TSR2: variants seen among roughly 807,000 people sequenced by gnomAD.
TSR2 encodes the protein pre-rRNA-processing protein TSR2 homolog.
TSR2 carries 1 observed loss-of-function variant against 13.3 expected under a neutral mutation model. That is an observed-to-expected ratio of 0.08 (90% confidence interval 0.03 to 0.36). The LOEUF is 0.36. TSR2 is among the 10% of genes least tolerant of loss of function. The pLI is 0.99. For missense variants in TSR2, 120 were observed against 151.1 expected, an observed-to-expected ratio of 0.79 and a Z score of 1.08; for synonymous variants, 60 against 57.7, an observed-to-expected ratio of 1.04 and a Z score of -0.18.
rs1020609391 is a variant in TSR2, at chrX:54,444,436, G to A, written c.462G>A (p.Gly154=). 2.5e-5 allele frequency: 30 copies of A among 1,207,870 alleles called. No individual in the cohort carries two copies. The highest frequency in any genetic ancestry group is 3.1e-5 in the Non-Finnish European group (28 of 894,303). ...TCCAGGTCACAGCTACGAATGATGG[G>A]GCTGCTACAGATGGGGTCTGCCCCC... ...EEMEVTATND[G]AATDGVCPQP... The change falls in exon 5 of 5, where the codon GGG becomes GGA. Residue 154 remains glycine, a synonymous_variant. Coordinates refer to ENST00000375151, the MANE Select transcript of TSR2 (RefSeq NM_058163.3).
At position 54,447,443 on chromosome X, in the gene TSR2, T is replaced by C. The variant is rs1922248522; in HGVS notation, c.*2893T>C. On this transcript the variant is annotated 3_prime_UTR_variant, in exon 5 of 5. Transcript: ENST00000375151. ...AGATGACGCTGTTCTCTGCAGCCAC[T>C]GAGGCCTGTTTCTGTGGCCAGAGAC... 5.0e-6 allele frequency: 6 copies of C among 1,210,281 alleles called. No individual in the cohort carries two copies. Among genetic ancestry groups the C allele is most frequent in the Non-Finnish European group, 6.7e-6 (6 of 894,517 alleles).
chrX:54,443,482 T>C lies in TSR2; in HGVS notation c.255T>C (p.Ser85=). The stretch of plus-strand genomic sequence containing the variant: ...TTGATACAGTTGTGGAAGACGGGAG[T>C]CTGCCCCAGGTGAGCTTATCACGGG... ...NEFDTVVEDG[S]LPQVSQQLQT... Residue 85 remains serine (S), a synonymous_variant, in exon 3 of 5, where the codon AGT becomes AGC. Coordinates refer to ENST00000375151, the MANE Select transcript of TSR2 (RefSeq NM_058163.3). 9 of 1,196,849 alleles carry C rather than the reference T, an allele frequency of 7.5e-6. No homozygotes were observed. Among genetic ancestry groups the C allele is most frequent in the Non-Finnish European group, 1.0e-5 (9 of 887,175 alleles).
Position 54,446,144 on chromosome X carries a change from G to A in TSR2, c.*1594G>A, listed in dbSNP as rs1474070705. Reference sequence around the variant, plus strand: ...TCTCGGGTCTGGGGGGATTCGGGGGGTTCAGCAGTGGCTCCTAAAGCAGCC... The same window carrying A: ...TCTCGGGTCTGGGGGGATTCGGGGGATTCAGCAGTGGCTCCTAAAGCAGCC... On this transcript the variant is annotated 3_prime_UTR_variant, in exon 5 of 5. Transcript: ENST00000375151. 5.0e-6 allele frequency: 6 copies of A among 1,208,760 alleles called. No homozygotes were observed. Among genetic ancestry groups the A allele is most frequent in the Middle Eastern group, 2.3e-4 (1 of 4,290 alleles).
chrX:54,440,659 T>C (rs1402887999), intron 1 of TSR2, 31 bp from the exon 2 acceptor site: 1 of 1,196,287 alleles, frequency 8.4e-7, no homozygotes, highest in South Asian at 1.8e-5. Flanking sequence ...GCTCCCAAGC[T>C]GACTTGGTGG....
rs1318072476 is a variant in TSR2 at position 54,444,426 on chromosome X, C to T, written c.452C>T (p.Thr151Met). 5.0e-6 allele frequency: 6 copies of T among 1,207,893 alleles called. No individual in the cohort carries two copies. The South Asian group carries it at 5.3e-5, about 11-fold the overall frequency. ...DSVEEMEVTA[T>M]NDGAATDGVC... ...AAATCTCCCCTCCAGGTCACAGCTA[C>T]GAATGATGGGGCTGCTACAGATGGG... is the stretch of plus-strand genomic sequence containing the variant. Residue 151 changes from threonine (T) to methionine (M), a missense_variant, in exon 5 of 5, where the codon ACG becomes ATG. By Grantham distance (81) the Thr-to-Met change is moderately conservative. Around this residue, in one of 3 missense-constraint regions of TSR2, gnomAD observed 55 missense variants for 61.3 expected, o/e 0.90. Transcript: ENST00000375151.
Position 54,444,435 on chromosome X carries a change from G to C in TSR2, c.461G>C (p.Gly154Ala). The C allele has an allele frequency of 1.7e-6, 2 of 1,209,611 alleles. No homozygotes were observed. The highest frequency in any genetic ancestry group is 2.2e-6 in the Non-Finnish European group (2 of 894,483). Residue 154 changes from glycine (G) to alanine (A), a missense_variant, in exon 5 of 5, where the codon GGG (glycine) becomes GCG (alanine). By Grantham distance (60) the Gly-to-Ala change is moderately conservative. Around this residue, in one of 3 missense-constraint regions of TSR2, gnomAD observed 55 missense variants for 61.3 expected, o/e 0.90. Transcript: ENST00000375151. Reference sequence around the variant, plus strand: ...CTCCAGGTCACAGCTACGAATGATGGGGCTGCTACAGATGGGGTCTGCCCC... The same window carrying C: ...CTCCAGGTCACAGCTACGAATGATGCGGCTGCTACAGATGGGGTCTGCCCC... ...EEMEVTATND[G>A]AATDGVCPQP...
chrX:54,440,909 C>T (rs928900668), intron 2 of TSR2, 129 bp downstream of exon 2: 7 of 484,286 alleles, frequency 1.4e-5, no homozygotes, highest in Non-Finnish European at 2.4e-5. Flanking sequence ...GGAATGAATT[C>T]AGCTTTTAGA....
At position 54,446,520 on chromosome X, in the gene TSR2, G is replaced by T. The variant is rs1207375232; in HGVS notation, c.*1970G>T. On this transcript the variant is annotated 3_prime_UTR_variant, in exon 5 of 5. Transcript: ENST00000375151. Reference sequence around the variant, plus strand: ...TGCTCTGTCTTCAGTCCCCTACTCAGGAACTCCCCTACTCAGGAACCTTCC... The same window carrying T: ...TGCTCTGTCTTCAGTCCCCTACTCATGAACTCCCCTACTCAGGAACCTTCC... The T allele has an allele frequency of 1.4e-6, 1 of 738,099 alleles. No homozygotes were observed. The highest frequency in any genetic ancestry group is 2.0e-6 in the Non-Finnish European group (1 of 503,267). 60.8% of individuals were successfully genotyped at this position (738,099 alleles called of 1,213,427 possible). A position where few individuals can be genotyped will look rare whatever the true frequency, so the allele number is the denominator to read the frequency against.
At chrX:54,442,584 CAT>C (rs1167691565) in intron 2 of TSR2, among the ~76,000 whole-genome samples, 1 of 110,592 alleles carries the variant, frequency 9.0e-6, no homozygotes. Flanking sequence ...AGAGAAAGCA[CAT>C]AGAGGGGAGA....
intron 2 of TSR2, 40 bp from the exon 3 acceptor site, chrX:54,443,360 G>A (rs764073734): frequency 1.9e-6 from 2 of 1,040,428 alleles, no homozygotes; most frequent in South Asian, 1.9e-5. Flanking sequence ...GATGAAGTTG[G>A]CTGGTCTTTG....
At chrX:54,443,944 A>G (rs1418305406) in intron 3 of TSR2, 64 bp from the exon 4 acceptor site, 2 of 1,175,362 alleles carry the variant, frequency 1.7e-6, no homozygotes, top group African/African-American at 1.8e-5. Flanking sequence ...TGTTGCTTCA[A>G]ACACGTGCTG....
chrX:54,447,128 C>T lies in TSR2; in HGVS notation c.*2578C>T, dbSNP rs1212057396. 1.8e-5 allele frequency among the ~76,000 whole-genome samples: 2 copies of T among 111,826 alleles called. No homozygotes were observed. ...ACTCATCCTGGTTTTCCCTACATAC[C>T]ACAACCACTCCTTGTCTCTAGCCAG... On this transcript the variant is annotated 3_prime_UTR_variant, in exon 5 of 5. Coordinates refer to ENST00000375151, the MANE Select transcript of TSR2 (RefSeq NM_058163.3).
intron 2 of TSR2, among the ~76,000 whole-genome samples, chrX:54,442,642 C>T (rs780760649): frequency 9.0e-6 from 1 of 111,292 alleles, no homozygotes; most frequent in South Asian, 3.9e-4. Flanking sequence ...CTGTCTAATT[C>T]AGAAAAAGTA....
chrX:54,447,229 T>C lies in TSR2; in HGVS notation c.*2679T>C. 9.4e-7 allele frequency: 1 copy of C among 1,069,041 alleles called. No individual in the cohort carries two copies. Among genetic ancestry groups the C allele is most frequent in the Non-Finnish European group, 1.3e-6 (1 of 768,226 alleles). The allele number at this position is 1,069,041 out of a possible 1,213,427, so 88.1% of individuals were successfully genotyped here. A position where few individuals can be genotyped will look rare whatever the true frequency, so the allele number is the denominator to read the frequency against. On this transcript the variant is annotated 3_prime_UTR_variant, in exon 5 of 5. Coordinates refer to ENST00000375151, the MANE Select transcript of TSR2 (RefSeq NM_058163.3). ...ACCTTATCTTCCAAGGCTCACCTTA[T>C]CTTCCAAGGCCAAGGAGAGGTCAAG...
chrX:54,444,573 T>G lies in TSR2; in HGVS notation c.*23T>G. 8.3e-7 allele frequency: 1 copy of G among 1,204,074 alleles called. No individual in the cohort carries two copies. Among genetic ancestry groups the G allele is most frequent in the East Asian group, 3.0e-5 (1 of 33,602 alleles). ...TGAGTGGGGATGATTGGAAATGGCT[T>G]TGGGCCCTTATTTGCTGTTCTAAGA... On this transcript the variant is annotated 3_prime_UTR_variant, in exon 5 of 5. Coordinates refer to ENST00000375151, the MANE Select transcript of TSR2 (RefSeq NM_058163.3).
At position 54,444,443 on chromosome X, in the gene TSR2, A is replaced by G; in HGVS notation, c.469A>G (p.Thr157Ala). The change falls in exon 5 of 5, where the codon ACA (threonine) becomes GCA (alanine). Residue 157 changes from threonine to alanine, a missense_variant. Coordinates refer to ENST00000375151, the MANE Select transcript of TSR2 (RefSeq NM_058163.3). ...CACAGCTACGAATGATGGGGCTGCT[A>G]CAGATGGGGTCTGCCCCCAGCCTGA... is the stretch of plus-strand genomic sequence containing the variant. ...EVTATNDGAA[T>A]DGVCPQPEPS... is the part of the protein sequence containing the mutation. 1 of 1,210,258 alleles carries G rather than the reference A, an allele frequency of 8.3e-7. No homozygotes were observed. The highest frequency in any genetic ancestry group is 1.1e-6 in the Non-Finnish European group (1 of 894,666).
At position 54,444,589 on chromosome X, in the gene TSR2, T is replaced by C; in HGVS notation, c.*39T>C. ...GAAATGGCTTTGGGCCCTTATTTGC[T>C]GTTCTAAGAGTTGTCTGTAGGGGTT... On this transcript the variant is annotated 3_prime_UTR_variant, in exon 5 of 5. Transcript: ENST00000375151. 1.7e-6 allele frequency: 2 copies of C among 1,196,051 alleles called. No individual in the cohort carries two copies. Among genetic ancestry groups the C allele is most frequent in the Non-Finnish European group, 2.3e-6 (2 of 886,786 alleles).
Position 54,444,463 on chromosome X carries a change from G to A in TSR2, c.489G>A (p.Gln163=), listed in dbSNP as rs1345756140. The change falls in exon 5 of 5, where the codon CAG becomes CAA. Residue 163 remains glutamine, a synonymous_variant. Transcript: ENST00000375151. The part of the protein sequence containing the change: ...DGAATDGVCP[Q]PEPSDPDAQT... The stretch of plus-strand genomic sequence containing the variant: ...CTGCTACAGATGGGGTCTGCCCCCA[G>A]CCTGAACCCTCTGATCCAGACGCTC... 2.5e-6 allele frequency: 3 copies of A among 1,210,738 alleles called. No individual in the cohort carries two copies. The South Asian group carries it at 5.3e-5, about 21-fold the overall frequency.
Position 54,440,840 on chromosome X carries a change from A to C in TSR2, c.172+60A>C. On this transcript the variant is annotated intron_variant, in intron 2 of 4. Coordinates refer to ENST00000375151, the MANE Select transcript of TSR2 (RefSeq NM_058163.3). ...TGGGGGTGTGGAGAGGAGGAGCCCCATCCCGCAGAGCCTGCATTTCCTCTC... is the reference window on the plus strand; with the variant it reads ...TGGGGGTGTGGAGAGGAGGAGCCCCCTCCCGCAGAGCCTGCATTTCCTCTC... 3.2e-6 allele frequency: 3 copies of C among 934,124 alleles called. No individual in the cohort carries two copies. In the South Asian group the frequency reaches 7.4e-5, roughly 23 times the overall value. The allele number at this position is 934,124 out of a possible 1,213,427, so 77.0% of individuals were successfully genotyped here.
Sources: gnomAD v4.1 joint callset for allele counts (sites outside exome capture counted in the v4.1 genomes callset) on GRCh38, gnomAD v4.1.1 for gene constraint, gnomAD v4.1.1 regional missense constraint, MANE v1.5 for transcripts, NCBI Gene and HGNC (gene_info 2026-07-23, HGNC 2026-07-21) for gene names.